DAAM1: variants seen among roughly 807,000 people sequenced by gnomAD.
DAAM1 encodes disheveled-associated activator of morphogenesis 1.
In DAAM1, 52 loss-of-function variants were observed where a neutral mutation model predicts 130.0. The observed-to-expected ratio is 0.40, with a 90% CI of 0.32 to 0.50. The LOEUF is 0.50. DAAM1 is among the 20% of genes least tolerant of loss of function. The probability of loss-of-function intolerance (pLI) is 0.61; values close to 1 mark genes in which losing one functional copy is unlikely to be tolerated. For missense variants in DAAM1, 1,134 were observed against 1,303.8 expected (o/e 0.87, Z 2.01); for synonymous variants, 452 against 444.5 (o/e 1.02, Z -0.21).
intron 20 of DAAM1, among the ~76,000 whole-genome samples, chr14:59,355,823 C>A (rs1886459320): frequency 6.6e-6 from 1 of 152,058 alleles, no homozygotes; most frequent in South Asian, 2.1e-4. Context: ...AAGAAAAAAA[C>A]CGATAGTTGG....
chr14:59,234,345 G>T (rs1037501747), intron 1 of DAAM1, among the ~76,000 whole-genome samples: 1 of 151,962 alleles, frequency 6.6e-6, no homozygotes, highest in Non-Finnish European at 1.5e-5. Context: ...AGTCCTTCAC[G>T]TCCTTTGTCA....
At chr14:59,274,868 G>A (rs985757862) in intron 2 of DAAM1, among the ~76,000 whole-genome samples, 3 of 152,198 alleles carry the variant, frequency 2.0e-5, no homozygotes, top group African/African-American at 7.2e-5. Flanking sequence ...TGGCATGAAA[G>A]TTAGCAGATT....
chr14:59,206,198 A>G (rs1159567445), intron 1 of DAAM1, among the ~76,000 whole-genome samples: 1 of 151,914 alleles, frequency 6.6e-6, no homozygotes, highest in Non-Finnish European at 1.5e-5. Flanking sequence ...ACCTGAAGAG[A>G]TTTTTCCTTA....
At chr14:59,242,607 G>A (rs774145823) in intron 1 of DAAM1, among the ~76,000 whole-genome samples, 3 of 152,156 alleles carry the variant, frequency 2.0e-5, no homozygotes, top group Non-Finnish European at 4.4e-5. Context: ...CCCCCAGGCT[G>A]GAGTGCAGTG....
chr14:59,313,464 CT>C (rs1469246428), intron 3 of DAAM1, among the ~76,000 whole-genome samples: 5 of 152,230 alleles, frequency 3.3e-5, no homozygotes, highest in Non-Finnish European at 7.3e-5. Flanking sequence ...GTAAAGACTT[CT>C]CTCTGTGTAC....
chr14:59,344,831 C>T (rs1353116172), intron 16 of DAAM1, among the ~76,000 whole-genome samples: 1 of 152,182 alleles, frequency 6.6e-6, no homozygotes, highest in Non-Finnish European at 1.5e-5. Context: ...TCTGATACTT[C>T]AAGTATTGTT....
At chr14:59,328,756 A>T (rs1361631966) in intron 12 of DAAM1, among the ~76,000 whole-genome samples, 1 of 152,226 alleles carries the variant, frequency 6.6e-6, no homozygotes, top group Non-Finnish European at 1.5e-5. Context: ...CTGTTGCAGG[A>T]TTTAGGTGGC....
At chr14:59,319,283 C>T (rs917529921) in intron 4 of DAAM1, among the ~76,000 whole-genome samples, 8 of 152,172 alleles carry the variant, frequency 5.3e-5, no homozygotes, top group African/African-American at 1.9e-4. Context: ...GGTTTTATTT[C>T]AGTTGCCATA....
At chr14:59,240,989 T>A (rs1881091222) in intron 1 of DAAM1, among the ~76,000 whole-genome samples, 1 of 152,214 alleles carries the variant, frequency 6.6e-6, no homozygotes, top group South Asian at 2.1e-4. Flanking sequence ...CAAAGACAGA[T>A]ACAGCTGGCT....
intron 1 of DAAM1, among the ~76,000 whole-genome samples, chr14:59,261,330 T>A (rs1882149313): frequency 6.6e-6 from 1 of 152,206 alleles, no homozygotes; most frequent in Admixed American, 6.5e-5. Flanking sequence ...CTCACTAGAT[T>A]ATGAGCTTCT....
At chr14:59,205,927 T>C (rs1888242888) in intron 1 of DAAM1, among the ~76,000 whole-genome samples, 1 of 152,168 alleles carries the variant, frequency 6.6e-6, no homozygotes, top group African/African-American at 2.4e-5. Context: ...TTTCTGTTTT[T>C]TTGAGACAGG....
intron 1 of DAAM1, among the ~76,000 whole-genome samples, chr14:59,220,142 T>C (rs935060706): frequency 6.6e-6 from 1 of 152,156 alleles, no homozygotes; most frequent in Non-Finnish European, 1.5e-5. Context: ...TCCCAAGATT[T>C]TGTTTTGCCA....
intron 2 of DAAM1, among the ~76,000 whole-genome samples, chr14:59,288,418 A>T (rs558663855): frequency 6.6e-6 from 1 of 152,332 alleles, no homozygotes; most frequent in Admixed American, 6.5e-5. Flanking sequence ...AAAATTGACA[A>T]GTGGGACCTG....
chr14:59,198,440 GTGATCCGCCTGAACTCCTGACCTCA>G (rs952230976), intron 1 of DAAM1, among the ~76,000 whole-genome samples: 4 of 151,962 alleles, frequency 2.6e-5, no homozygotes, highest in Non-Finnish European at 4.4e-5. Flanking sequence ...TCCTGACCTT[GTGATCCGCCTGAACTCCTGACCTCA>G]TGATCCGCCT....
chr14:59,308,936 C>T (rs2139595587), intron 3 of DAAM1, among the ~76,000 whole-genome samples: 2 of 152,212 alleles, frequency 1.3e-5, no homozygotes, highest in Middle Eastern at 6.8e-3. Flanking sequence ...AACAGATGTA[C>T]TTGATATATA....
chr14:59,345,671 G>A (rs536964385), intron 16 of DAAM1, among the ~76,000 whole-genome samples: 5 of 152,234 alleles, frequency 3.3e-5, no homozygotes, highest in Admixed American at 6.5e-5. Context: ...CTTTGAGTGC[G>A]CGCTTTCAGT....
chr14:59,226,035 G>T (rs935193283), intron 1 of DAAM1, among the ~76,000 whole-genome samples: 12 of 152,086 alleles, frequency 7.9e-5, no homozygotes, highest in African/African-American at 2.7e-4. Context: ...TACTCGAAAT[G>T]TGTTTCAGTT....
chr14:59,280,535 CTTTTT>C (rs35354608), intron 2 of DAAM1, among the ~76,000 whole-genome samples: 7 of 90,658 alleles, frequency 7.7e-5, no homozygotes, highest in Non-Finnish European at 1.0e-4. Flanking sequence ...GCACACCTTC[CTTTTT>C]TTTTTTTTTT....
intron 12 of DAAM1, among the ~76,000 whole-genome samples, chr14:59,328,003 G>A (rs575492470): frequency 7.2e-5 from 11 of 152,106 alleles, no homozygotes; most frequent in Non-Finnish European, 1.3e-4. Context: ...TAATCATACT[G>A]CCAGCTACCA....
Sources: gnomAD v4.1 joint callset for allele counts (sites outside exome capture counted in the v4.1 genomes callset) on GRCh38, gnomAD v4.1.1 for gene constraint, MANE v1.5 for transcripts, NCBI Gene and HGNC (gene_info 2026-07-23, HGNC 2026-07-21) for gene names.